The following CLCN1 variants were observed in gnomAD, a reference collection of about 807,000 sequenced individuals.
CLCN1 encodes chloride channel protein 1.
CLCN1 carries 100 observed loss-of-function variants against 114.5 expected under a neutral mutation model. The observed-to-expected ratio is 0.87, with a 90% CI of 0.74 to 1.03. The LOEUF is 1.03. Among genes scored for constraint, CLCN1 ranks in the 50% least tolerant of loss-of-function variants. The pLI is 0.00. For synonymous variants in CLCN1, 485 were observed against 487.1 expected (o/e 1.00, Z 0.06); for missense variants, 1,188 against 1,250.0 (o/e 0.95, Z 0.75).
At chr7:143,346,834 G>T (rs930015882) in intron 19 of CLCN1, 77 bp from the exon 20 acceptor site, 3 of 1,413,172 alleles carry the variant, frequency 2.1e-6, no homozygotes, top group Admixed American at 3.3e-5. Flanking sequence ...GGGAGGGATG[G>T]CTATTGTTTC....
chr7:143,346,668 G>A lies in CLCN1; in HGVS notation c.2364+10G>A, dbSNP rs201855153. 1.3e-3 allele frequency: 2,049 copies of A among 1,607,918 alleles called. 2 individuals are homozygous for A. Among genetic ancestry groups the A allele is most frequent in the Non-Finnish European group, 1.5e-3 (1,808 of 1,175,004 alleles). On this transcript the variant is annotated intron_variant, in intron 19 of 22. Coordinates refer to ENST00000343257, the MANE Select transcript of CLCN1 (RefSeq NM_000083.3). ...GAAGAAAACAACCCAGGTGAGAGGA[G>A]ATGTGTTTGGGGATACAGGGGAAAG...
At chr7:143,346,013 T>C in intron 17 of CLCN1, 127 bp from the exon 18 acceptor site, 1 of 816,824 alleles carries the variant, frequency 1.2e-6, no homozygotes, top group South Asian at 1.4e-5. Flanking sequence ...TTCAAAGGGA[T>C]ATAGGAATTT....
At chr7:143,343,705 C>CCTTCCTTT (rs1554438731) in intron 16 of CLCN1, among the ~76,000 whole-genome samples, 32 of 151,454 alleles carry the variant, frequency 2.1e-4, no homozygotes, top group African/African-American at 7.0e-4. Flanking sequence ...TTTCTTCCTT[C>CCTTCCTTT]CTTTCTTTCT....
chr7:143,345,614 A>C lies in CLCN1; in HGVS notation c.2024A>C (p.Gln675Pro), dbSNP rs768582911. 2.3e-4 allele frequency: 352 copies of C among 1,558,418 alleles called. No homozygotes were observed. The highest frequency in any genetic ancestry group is 3.0e-4 in the Non-Finnish European group (346 of 1,151,648). Residue 675 changes from glutamine (Q) to proline (P), a missense_variant, in exon 17 of 23, where the codon CAA becomes CCA. By Grantham distance (76) the Gln-to-Pro change is moderately conservative. Coordinates refer to ENST00000343257, the MANE Select transcript of CLCN1 (RefSeq NM_000083.3). The part of the protein sequence containing the change: ...LCPERRLRAA[Q>P]EMARKLSELP... ...CCTGAGCGCAGGCTGCGCGCAGCCCAAGAGATGGCGCGGAAGTTGTCGGAG... is the reference window on the plus strand; with the variant it reads ...CCTGAGCGCAGGCTGCGCGCAGCCCCAGAGATGGCGCGGAAGTTGTCGGAG...
Position 143,347,040 on chromosome 7 carries a change from GA to G in CLCN1, c.2403+94del, listed in dbSNP as rs1803268324. 3 of 1,128,494 alleles carry G rather than the reference GA, an allele frequency of 2.7e-6. No homozygotes were observed. The African/African-American group carries it at 4.6e-5, about 17-fold the overall frequency. The allele number at this position is 1,128,494 out of a possible 1,614,324, so 69.9% of individuals were successfully genotyped here. On this transcript the variant is annotated intron_variant, in intron 20 of 22. Coordinates refer to ENST00000343257, the MANE Select transcript of CLCN1 (RefSeq NM_000083.3). ...TCTACCTTCTTTATTGTGTTGTCAT[GA>G]AATAGAATGTGGTCTGGATGGGAAG...
chr7:143,333,653 G>A (rs1485983199), intron 12 of CLCN1, among the ~76,000 whole-genome samples: 1 of 151,960 alleles, frequency 6.6e-6, no homozygotes, highest in African/African-American at 2.4e-5. Context: ...TCTTCAAAAG[G>A]GATAAAATAT....
intron 16 of CLCN1, among the ~76,000 whole-genome samples, chr7:143,344,751 G>T (rs1454958255): frequency 6.1e-5 from 8 of 131,312 alleles, no homozygotes; most frequent in Admixed American, 7.9e-5. Context: ...TCCTAGCAGG[G>T]TTTTTTTTTT....
rs143009041 is a variant in CLCN1, at chr7:143,331,595, G to A, written c.1109G>A (p.Arg370His). 1.6e-5 allele frequency: 26 copies of A among 1,613,936 alleles called. No individual in the cohort carries two copies. The highest frequency in any genetic ancestry group is 8.3e-5 in the Admixed American group (5 of 59,998). Residue 370 changes from arginine (R) to histidine (H), a missense_variant, in exon 10 of 23, where the codon CGC becomes CAC. Physicochemically the swap from Arg to His is conservative, Grantham distance 29. Coordinates refer to ENST00000343257, the MANE Select transcript of CLCN1 (RefSeq NM_000083.3). ...LLGAVFVYLHRQVMLGVRKHK... is the reference protein window; with the variant it reads ...LLGAVFVYLHHQVMLGVRKHK... ...GGAGCTGTATTTGTGTATCTGCATC[G>A]CCAAGTCATGCTCGGTGTCCGAAAG...
At chr7:143,338,415 G>GATGGTTCT (rs77647509) in intron 12 of CLCN1, among the ~76,000 whole-genome samples, 21,243 of 151,962 alleles carry the variant, frequency 0.14, 1,763 homozygotes, top group Middle Eastern at 0.28. Context: ...TCACCATATA[G>GATGGTTCT]ATGGTTCTAT....
At position 143,342,008 on chromosome 7, in the gene CLCN1, T is replaced by C. The variant is rs1374889293; in HGVS notation, c.1662T>C (p.Ala554=). The C allele has an allele frequency of 1.9e-6, 3 of 1,614,216 alleles. No homozygotes were observed. The highest frequency in any genetic ancestry group is 2.5e-6 in the Non-Finnish European group (3 of 1,180,036). ...VICFELTGQI[A]HILPMMVAVI... ...GCTTCGAATTAACGGGTCAGATTGCTCACATCCTGCCCATGATGGTGGCTG... is the reference window on the plus strand; with the variant it reads ...GCTTCGAATTAACGGGTCAGATTGCCCACATCCTGCCCATGATGGTGGCTG... Residue 554 remains alanine, a synonymous_variant, in exon 15 of 23, where the codon GCT becomes GCC. Transcript: ENST00000343257.
intron 7 of CLCN1, among the ~76,000 whole-genome samples, chr7:143,326,692 C>T (rs1163052473): frequency 6.6e-6 from 1 of 152,110 alleles, no homozygotes; most frequent in Non-Finnish European, 1.5e-5. Flanking sequence ...ACAGAGGAAA[C>T]AGCATTGCAA....
chr7:143,322,515 T>C (rs180946249), intron 5 of CLCN1, among the ~76,000 whole-genome samples: 4 of 152,202 alleles, frequency 2.6e-5, no homozygotes, highest in East Asian at 1.9e-4. Context: ...TAAAACAAAA[T>C]TGAAAGTTTT....
At position 143,331,669 on chromosome 7, in the gene CLCN1, C is replaced by G; in HGVS notation, c.1166+17C>G. On this transcript the variant is annotated intron_variant, in intron 10 of 22. Coordinates refer to ENST00000343257, the MANE Select transcript of CLCN1 (RefSeq NM_000083.3). The stretch of plus-strand genomic sequence containing the variant: ...TGCTAAGCAGTGAGTCACTGCCCTT[C>G]TTTTGCCCTACCCATTTACTTTCTG... 6.4e-7 allele frequency: 1 copy of G among 1,554,122 alleles called. No homozygotes were observed.
At chr7:143,330,076 A>G (rs1219317578) in intron 7 of CLCN1, among the ~76,000 whole-genome samples, 3 of 152,084 alleles carry the variant, frequency 2.0e-5, no homozygotes, top group Non-Finnish European at 4.4e-5. Flanking sequence ...TTTCTTAAGC[A>G]TGATTGTTTT....
intron 7 of CLCN1, among the ~76,000 whole-genome samples, chr7:143,326,791 G>A (rs1802586218): frequency 6.6e-6 from 1 of 152,124 alleles, no homozygotes. Flanking sequence ...AAGGGGGGCT[G>A]AATTATGAAG....
chr7:143,324,424 A>G lies in CLCN1; in HGVS notation c.785A>G (p.Tyr262Cys). 6.2e-7 allele frequency: 1 copy of G among 1,612,352 alleles called. No homozygotes were observed. The highest frequency in any genetic ancestry group is 8.5e-7 in the Non-Finnish European group (1 of 1,178,768). Residue 262 changes from tyrosine to cysteine, a missense_variant, in exon 7 of 23, where the codon TAC (tyrosine) becomes TGC (cysteine). Coordinates refer to ENST00000343257, the MANE Select transcript of CLCN1 (RefSeq NM_000083.3). This position sits in a 1 kb window ranked among gnomAD's most constrained non-coding sequence, Gnocchi z 4.6. The part of the protein sequence containing the change: ...VFCGVYEQPY[Y>C]YSDILTVGCA... The stretch of plus-strand genomic sequence containing the variant: ...TCTCTCCCCTAGTAGCAGCCATACT[A>G]CTACTCTGATATCCTGACGGTGGGC...
intron 1 of CLCN1, 35 bp from the exon 2 acceptor site, chr7:143,319,720 A>G (rs1303131601): frequency 1.9e-6 from 3 of 1,610,958 alleles, no homozygotes; most frequent in Non-Finnish European, 2.5e-6. Context: ...TTAGTCTTCC[A>G]CAAGGCAGAC....
In CLCN1 at chr7:143,324,326, C is replaced by T. The variant is rs1215628500; in HGVS notation, c.775-88C>T. ...CTTTTGACTTAGGCCTCTCATTCTG[C>T]CTTATTCCCCATCCCTGCTTGTTCT... On this transcript the variant is annotated intron_variant, in intron 6 of 22. Transcript: ENST00000343257. This position sits in a 1 kb window ranked among gnomAD's most constrained non-coding sequence, Gnocchi z 4.6. The T allele has an allele frequency of 6.4e-6, 6 of 938,270 alleles. No individual in the cohort carries two copies. The highest frequency in any genetic ancestry group is 8.8e-6 in the Non-Finnish European group (5 of 566,020). The allele number at this position is 938,270 out of a possible 1,614,324, so 58.1% of individuals were successfully genotyped here. A position where few individuals can be genotyped will look rare whatever the true frequency, so the allele number is the denominator to read the frequency against.
chr7:143,326,008 T>TTGTTTG (rs1554435605), intron 7 of CLCN1, among the ~76,000 whole-genome samples: 56 of 152,066 alleles, frequency 3.7e-4, no homozygotes, highest in African/African-American at 1.3e-3. Context: ...TACTTGTTTT[T>TTGTTTG]TTTGTTTGTT....
Sources: gnomAD v4.1 joint callset for allele counts (sites outside exome capture counted in the v4.1 genomes callset) on GRCh38, gnomAD v4.1.1 for gene constraint, Gnocchi (gnomAD v3.1) non-coding constraint, MANE v1.5 for transcripts, NCBI Gene and HGNC (gene_info 2026-07-23, HGNC 2026-07-21) for gene names.